The following SHISA9 variants were observed in gnomAD, a reference collection of about 807,000 sequenced individuals.
The protein encoded by SHISA9 is protein shisa-9.
Under a neutral mutation model 38.0 loss-of-function variants are expected in SHISA9, and 13 were observed. That is an observed-to-expected ratio of 0.34 (90% CI 0.22 to 0.54). The LOEUF is 0.54. Ranked by LOEUF, SHISA9 falls within the 20% of genes least tolerant of loss-of-function variation. The probability of loss-of-function intolerance (pLI) is 0.91; values close to 1 mark genes in which losing one functional copy is unlikely to be tolerated. For missense variants in SHISA9, 538 were observed against 575.8 expected (o/e 0.93, Z 0.67); for synonymous variants, 275 against 242.0 (o/e 1.14, Z -1.27).
chr16:13,502,337 A>C, the SHISA9 span, among the ~76,000 whole-genome samples: 1 of 152,154 alleles, frequency 6.6e-6, no homozygotes, highest in Non-Finnish European at 1.5e-5. Flanking sequence ...TCTAATGTGC[A>C]AAGGGAGGAA....
the SHISA9 span, among the ~76,000 whole-genome samples, chr16:13,396,502 G>A: frequency 1.6e-4 from 24 of 152,216 alleles, no homozygotes; most frequent in African/African-American, 2.6e-4. Flanking sequence ...CCAACTCCCC[G>A]ACCCTCAACC....
intron 2 of SHISA9, among the ~76,000 whole-genome samples, chr16:13,032,311 G>C (rs565226031): frequency 6.6e-6 from 1 of 152,286 alleles, no homozygotes; most frequent in South Asian, 2.1e-4. Flanking sequence ...TGCTGAGAAT[G>C]ATGGTTTCCA....
At chr16:13,441,688 G>A in the SHISA9 span, among the ~76,000 whole-genome samples, 77 of 152,292 alleles carry the variant, frequency 5.1e-4, no homozygotes, top group African/African-American at 1.7e-3. Flanking sequence ...TGCCCTGTAT[G>A]TAAGTCTTCA....
chr16:13,390,701 A>T, the SHISA9 span, among the ~76,000 whole-genome samples: 1 of 152,184 alleles, frequency 6.6e-6, no homozygotes, highest in South Asian at 2.1e-4. Flanking sequence ...ATTCACTATT[A>T]TGATTCCCCA....
At chr16:13,050,766 G>A (rs529910099) in intron 2 of SHISA9, among the ~76,000 whole-genome samples, 1 of 152,304 alleles carries the variant, frequency 6.6e-6, no homozygotes, top group East Asian at 1.9e-4. Flanking sequence ...CAATAAGCTA[G>A]TAACAGATTG....
At chr16:13,249,634 TTC>T in the SHISA9 span, among the ~76,000 whole-genome samples, 1 of 152,124 alleles carries the variant, frequency 6.6e-6, no homozygotes, top group Non-Finnish European at 1.5e-5. Flanking sequence ...TTTTCTCTCT[TTC>T]TCTGTTTCCT....
At chr16:13,546,914 G>A in the SHISA9 span, among the ~76,000 whole-genome samples, 1 of 152,108 alleles carries the variant, frequency 6.6e-6, no homozygotes, top group Admixed American at 6.5e-5. Flanking sequence ...TCCTGTGTCT[G>A]GCTCATCCAT....
chr16:13,235,055 C>T lies in SHISA9; in HGVS notation c.921C>T (p.Tyr307=). Residue 307 remains tyrosine, a synonymous_variant, in exon 5 of 5, where the codon TAC becomes TAT. Coordinates refer to ENST00000558583, the MANE Select transcript of SHISA9 (RefSeq NM_001145204.3). ...PKADKVNDDF[Y]TKRRHLAELA... ...CTGACAAGGTCAATGACGACTTCTACACCAAGCGACGGCACCTGGCTGAGC... is the reference window on the plus strand; with the variant it reads ...CTGACAAGGTCAATGACGACTTCTATACCAAGCGACGGCACCTGGCTGAGC... 6.4e-7 allele frequency: 1 copy of T among 1,551,014 alleles called. No individual in the cohort carries two copies. The highest frequency in any genetic ancestry group is 8.7e-7 in the Non-Finnish European group (1 of 1,146,718).
intron 2 of SHISA9, among the ~76,000 whole-genome samples, chr16:13,113,209 C>CAAAAAAA (rs35316820): frequency 9.2e-5 from 6 of 65,238 alleles, no homozygotes; most frequent in African/African-American, 3.0e-4. Flanking sequence ...GACTCCATCT[C>CAAAAAAA]AAAAAAAAAA....
downstream of SHISA9, among the ~76,000 whole-genome samples, chr16:13,245,098 G>A (rs2142098970): frequency 6.6e-6 from 1 of 151,990 alleles, no homozygotes; most frequent in African/African-American, 2.4e-5. Context: ...TGTATTTTTT[G>A]TAGAGATGGG....
At chr16:13,550,940 A>G in the SHISA9 span, among the ~76,000 whole-genome samples, 7,144 of 152,148 alleles carry the variant, frequency 0.047, 174 homozygotes, top group Middle Eastern at 0.16. Context: ...TGGCCAACAC[A>G]GTGAAACCGC....
At chr16:13,543,880 C>T in the SHISA9 span, among the ~76,000 whole-genome samples, 3 of 152,172 alleles carry the variant, frequency 2.0e-5, no homozygotes, top group South Asian at 2.1e-4. Flanking sequence ...AAAGATGAAA[C>T]ATTATTCAAA....
chr16:13,222,023 G>A (rs1149407), intron 4 of SHISA9, among the ~76,000 whole-genome samples: 72,021 of 151,942 alleles, frequency 0.47, 17,905 homozygotes, highest in East Asian at 0.75. Context: ...CAATCATGGT[G>A]GAAGGCCAAG....
chr16:13,363,062 C>T, the SHISA9 span, among the ~76,000 whole-genome samples: 2 of 152,160 alleles, frequency 1.3e-5, no homozygotes, highest in African/African-American at 4.8e-5. Context: ...AGAAAATGCT[C>T]GACCATGTGA....
the SHISA9 span, among the ~76,000 whole-genome samples, chr16:13,370,333 G>T: frequency 9.2e-5 from 14 of 152,308 alleles, no homozygotes; most frequent in African/African-American, 3.4e-4. Context: ...GAAATCATAT[G>T]ATATGGGGAC....
chr16:13,225,635 T>C (rs2051271454), intron 4 of SHISA9, among the ~76,000 whole-genome samples: 1 of 152,038 alleles, frequency 6.6e-6, no homozygotes, highest in Non-Finnish European at 1.5e-5. Flanking sequence ...GAATGAGTGG[T>C]AGGAACCCCT....
At position 12,994,410 on chromosome 16, in the gene SHISA9, C is replaced by T. The variant is rs909408901; in HGVS notation, c.691+77595C>T. 5.3e-5 allele frequency among the ~76,000 whole-genome samples: 8 copies of T among 152,212 alleles called. No homozygotes were observed. In the East Asian group the frequency reaches 5.8e-4, roughly 11 times the overall value. On this transcript the variant is annotated intron_variant, in intron 2 of 4. Coordinates refer to ENST00000558583, the MANE Select transcript of SHISA9 (RefSeq NM_001145204.3). ...ACTGATGCTGGGCTTAGCCCCATGACGTGATTTGGTGATTGTAATATGAGC... is the reference window on the plus strand; with the variant it reads ...ACTGATGCTGGGCTTAGCCCCATGATGTGATTTGGTGATTGTAATATGAGC...
At chr16:12,903,367 C>T (rs545139638) in intron 1 of SHISA9, among the ~76,000 whole-genome samples, 1 of 152,316 alleles carries the variant, frequency 6.6e-6, no homozygotes, top group South Asian at 2.1e-4. Context: ...GCCCGAGCCC[C>T]CTCCTCGCGC....
At chr16:13,034,759 G>C (rs1258980952) in intron 2 of SHISA9, among the ~76,000 whole-genome samples, 2 of 152,208 alleles carry the variant, frequency 1.3e-5, no homozygotes, top group African/African-American at 2.4e-5. Flanking sequence ...AAGAACGCTT[G>C]TGTGTTTCTT....
Sources: allele counts gnomAD v4.1 joint callset (sites outside exome capture counted in the v4.1 genomes callset), GRCh38; gene constraint gnomAD v4.1.1; transcripts MANE v1.5; gene names NCBI Gene and HGNC (gene_info 2026-07-23, HGNC 2026-07-21).